DGKI: variants seen among roughly 807,000 people sequenced by gnomAD.
The protein encoded by DGKI is DAG kinase iota.
Under a neutral mutation model 147.5 loss-of-function variants are expected in DGKI, and 55 were observed. The ratio of observed to expected loss-of-function variants is 0.37; its 90% CI spans 0.30 to 0.47. The LOEUF (loss-of-function observed/expected upper bound fraction) is 0.47, where lower values mean the gene tolerates loss of function less well. Ranked by LOEUF, DGKI falls within the 20% of genes least tolerant of loss-of-function variation. The pLI, the probability that DGKI is intolerant of heterozygous loss-of-function variation, is 1.00. For missense variants in DGKI, 1,007 were observed against 1,323.8 expected (o/e 0.76, Z 3.71); for synonymous variants, 469 against 477.1 (o/e 0.98, Z 0.22).
In DGKI at chr7:137,796,784, A is replaced by C. The variant is rs547136069; in HGVS notation, c.401+49678T>G. On this transcript the variant is annotated intron_variant, in intron 1 of 32. Transcript: ENST00000614521. Reference sequence around the variant, plus strand: ...CCAGTTTGAGAAACAGAAAAGAATGAAGGAAAATAAACAAAGCCTCAGAGA... The same window carrying C: ...CCAGTTTGAGAAACAGAAAAGAATGCAGGAAAATAAACAAAGCCTCAGAGA... 3.3e-5 allele frequency among the ~76,000 whole-genome samples: 5 copies of C among 152,346 alleles called. 1 individual carries two copies. In the South Asian group the frequency reaches 8.3e-4, roughly 25 times the overall value.
intron 26 of DGKI, among the ~76,000 whole-genome samples, chr7:137,464,794 C>A (rs1411438132): frequency 2.0e-5 from 3 of 152,192 alleles, no homozygotes; most frequent in Non-Finnish European, 4.4e-5. Context: ...GTTGTGCTAG[C>A]CTAGTGGACT....
intron 29 of DGKI, among the ~76,000 whole-genome samples, chr7:137,411,950 C>T (rs1237726835): frequency 6.6e-6 from 1 of 152,142 alleles, no homozygotes; most frequent in Non-Finnish European, 1.5e-5. Context: ...ACATTGCATC[C>T]TGGGGACATG....
rs138450781 is a variant in DGKI, at chr7:137,752,439, C to T, written c.402-62437G>A. Among the ~76,000 whole-genome samples, 1,185 of 152,226 alleles carry T rather than the reference C, an allele frequency of 7.8e-3. 10 individuals are homozygous for T. The highest frequency in any genetic ancestry group is 0.027 in the African/African-American group (1,127 of 41,526). ...ATTCCGCTAAGGGAGGAGACCACCC[C>T]TCATATTGTCTTATGCCCAATTTCT... is the stretch of plus-strand genomic sequence containing the variant. On this transcript the variant is annotated intron_variant, in intron 1 of 32. Transcript: ENST00000614521.
chr7:137,392,163 T>C (rs1354693206), intron 32 of DGKI, among the ~76,000 whole-genome samples: 1 of 152,198 alleles, frequency 6.6e-6, no homozygotes, highest in Non-Finnish European at 1.5e-5. Flanking sequence ...ACATGTTAAA[T>C]GATCATATAA....
Position 137,722,017 on chromosome 7 carries a change from A to G in DGKI, c.402-32015T>C, listed in dbSNP as rs563409877. ...GGGTGAAAAAGTTGAGAAGCCAGATACTAAAGAGAAGAAACCTGAAGCCAA... is the reference window on the plus strand; with the variant it reads ...GGGTGAAAAAGTTGAGAAGCCAGATGCTAAAGAGAAGAAACCTGAAGCCAA... On this transcript the variant is annotated intron_variant, in intron 1 of 32. Transcript: ENST00000614521. The G allele has an allele frequency of 6.8e-5, 107 of 1,583,956 alleles. No individual in the cohort carries two copies. The East Asian group carries it at 1.8e-3, about 26-fold the overall frequency.
At chr7:137,647,557 G>A (rs914314429) in intron 5 of DGKI, among the ~76,000 whole-genome samples, 2 of 152,164 alleles carry the variant, frequency 1.3e-5, no homozygotes, top group African/African-American at 4.8e-5. Context: ...CACCTGGATG[G>A]ACAATTCTGG....
chr7:137,480,586 C>G lies in DGKI; in HGVS notation c.2373+4788G>C, dbSNP rs540645858. Among the ~76,000 whole-genome samples the G allele has an allele frequency of 7.4e-4, 108 of 145,918 alleles. No individual in the cohort carries two copies. In the South Asian group the frequency reaches 0.018, roughly 24 times the overall value. ...ACAAGTAATGTAGACTCCGATCTGA[C>G]CAAGAGGTTGTTTTTTTTTTTCTTA... On this transcript the variant is annotated intron_variant, in intron 23 of 32. Coordinates refer to ENST00000614521, the MANE Select transcript of DGKI (RefSeq NM_001321708.2).
intron 1 of DGKI, among the ~76,000 whole-genome samples, chr7:137,715,921 G>A (rs1331216638): frequency 6.6e-6 from 1 of 152,178 alleles, no homozygotes; most frequent in Non-Finnish European, 1.5e-5. Context: ...GCTGTCAAGA[G>A]GGGAAAGCAG....
intron 1 of DGKI, among the ~76,000 whole-genome samples, chr7:137,754,735 G>A (rs1402395504): frequency 2.0e-5 from 3 of 152,202 alleles, no homozygotes; most frequent in Non-Finnish European, 2.9e-5. Flanking sequence ...CAACTTTTGA[G>A]CAAAGAAAGG....
At chr7:137,819,382 G>A (rs1797830021) in intron 1 of DGKI, among the ~76,000 whole-genome samples, 1 of 151,506 alleles carries the variant, frequency 6.6e-6, no homozygotes, top group Non-Finnish European at 1.5e-5. Context: ...CGCCATCTCG[G>A]CTCACCGCAA....
chr7:137,514,921 A>T (rs998764915), intron 21 of DGKI, among the ~76,000 whole-genome samples: 4 of 152,186 alleles, frequency 2.6e-5, no homozygotes, highest in Non-Finnish European at 5.9e-5. Flanking sequence ...CTCCTCAAGT[A>T]GTTCCAACAC....
chr7:137,781,217 G>A (rs1563195008), intron 1 of DGKI, among the ~76,000 whole-genome samples: 1 of 152,198 alleles, frequency 6.6e-6, no homozygotes, highest in African/African-American at 2.4e-5. Context: ...AGGCATAGCA[G>A]AAATTAGCTG....
At position 137,423,024 on chromosome 7, in the gene DGKI, A is replaced by AT. The variant is rs934922807; in HGVS notation, c.2762-10818dup. On this transcript the variant is annotated intron_variant, in intron 28 of 32. Coordinates refer to ENST00000614521, the MANE Select transcript of DGKI (RefSeq NM_001321708.2). ...GGAAACTGATGTAGCAATGCAAGAG[A>AT]TTTTTTTTAAGAAGTTCTAGTACTC... is the stretch of plus-strand genomic sequence containing the variant. Among the ~76,000 whole-genome samples, 7 of 151,994 alleles carry AT rather than the reference A, an allele frequency of 4.6e-5. 1 individual carries two copies. The highest frequency in any genetic ancestry group is 1.7e-4 in the African/African-American group (7 of 41,396).
At chr7:137,762,766 G>A (rs1412189156) in intron 1 of DGKI, among the ~76,000 whole-genome samples, 11 of 152,108 alleles carry the variant, frequency 7.2e-5, no homozygotes, top group South Asian at 4.1e-4. Flanking sequence ...TATAGCATCC[G>A]GGGCTGACCT....
chr7:137,839,441 C>T (rs1230995392), intron 1 of DGKI, among the ~76,000 whole-genome samples: 1 of 152,178 alleles, frequency 6.6e-6, no homozygotes, highest in Admixed American at 6.5e-5. Context: ...TGTTCCTTAA[C>T]TGGACTTGAG....
At chr7:137,632,283 T>A (rs1325816090) in intron 6 of DGKI, among the ~76,000 whole-genome samples, 1 of 152,240 alleles carries the variant, frequency 6.6e-6, no homozygotes, top group Non-Finnish European at 1.5e-5. Context: ...CATAATCTTT[T>A]GCTCTGTTTC....
chr7:137,520,151 T>C (rs1000522731), intron 21 of DGKI, among the ~76,000 whole-genome samples: 1 of 152,076 alleles, frequency 6.6e-6, no homozygotes, highest in East Asian at 1.9e-4. Flanking sequence ...AAACAGATAA[T>C]TGAAAGCTAT....
chr7:137,791,894 C>T (rs1796865506), intron 1 of DGKI, among the ~76,000 whole-genome samples: 1 of 152,210 alleles, frequency 6.6e-6, no homozygotes. Context: ...CTTATGTACA[C>T]ATGCGCAGTT....
At chr7:137,745,017 G>T (rs1795282564) in intron 1 of DGKI, among the ~76,000 whole-genome samples, 1 of 152,064 alleles carries the variant, frequency 6.6e-6, no homozygotes, top group African/African-American at 2.4e-5. Context: ...TTGGATGACA[G>T]GATCATTAGA....
Sources: allele counts gnomAD v4.1 joint callset (sites outside exome capture counted in the v4.1 genomes callset), GRCh38; gene constraint gnomAD v4.1.1; transcripts MANE v1.5; gene names NCBI Gene and HGNC (gene_info 2026-07-23, HGNC 2026-07-21).